SLC49A4: variants seen among roughly 807,000 people sequenced by gnomAD.
SLC49A4 encodes the protein solute carrier family 49 member 4.
SLC49A4 carries 36 observed loss-of-function variants against 50.6 expected under a neutral mutation model. That is an observed-to-expected ratio of 0.71 (90% CI 0.55 to 0.94). The LOEUF is 0.94. Among genes scored for constraint, SLC49A4 ranks in the 40% least tolerant of loss-of-function variants. SLC49A4 has a pLI of 0.00. For missense variants in SLC49A4, 503 were observed against 605.7 expected (o/e 0.83, Z 1.78); for synonymous variants, 248 against 241.2 (o/e 1.03, Z -0.26).
intron 5 of SLC49A4, among the ~76,000 whole-genome samples, chr3:122,848,674 T>A (rs917637064): frequency 6.6e-6 from 1 of 151,270 alleles, no homozygotes; most frequent in Non-Finnish European, 1.5e-5. Flanking sequence ...TATTTTATTT[T>A]TCTTATTTTT....
Position 122,814,927 on chromosome 3 carries a change from G to A in SLC49A4, c.437+7977G>A, listed in dbSNP as rs371038177. On this transcript the variant is annotated intron_variant, in intron 2 of 8. Transcript: ENST00000261038. ...GACACCCCTGGTCTAAACAATAGTG[G>A]GCTATTCAGGGGAAGTAGGCAGCTT... Among the ~76,000 whole-genome samples, 11 of 152,040 alleles carry A rather than the reference G, an allele frequency of 7.2e-5. No homozygotes were observed. The East Asian group carries it at 1.5e-3, about 21-fold the overall frequency.
intron 4 of SLC49A4, among the ~76,000 whole-genome samples, chr3:122,837,260 T>C (rs1936700924): frequency 6.6e-6 from 1 of 152,104 alleles, no homozygotes; most frequent in Non-Finnish European, 1.5e-5. Context: ...CCCAGTCAAT[T>C]CTAAGCCAAA....
At chr3:122,814,687 G>A (rs1936340685) in intron 2 of SLC49A4, among the ~76,000 whole-genome samples, 1 of 152,136 alleles carries the variant, frequency 6.6e-6, no homozygotes, top group Non-Finnish European at 1.5e-5. Context: ...CCAATCTGTG[G>A]CATGCATGCG....
chr3:122,878,819 C>A (rs1235907388), intron 8 of SLC49A4, among the ~76,000 whole-genome samples: 5 of 152,080 alleles, frequency 3.3e-5, no homozygotes, highest in Admixed American at 6.6e-5. Context: ...ATAGATATTT[C>A]TATCCAAAAC....
intron 1 of SLC49A4, 94 bp downstream of exon 1, chr3:122,795,629 C>G: frequency 6.7e-7 from 1 of 1,487,530 alleles, no homozygotes; most frequent in Non-Finnish European, 8.8e-7. Flanking sequence ...CCCTTGGCCC[C>G]GGCATAGGGG....
intron 2 of SLC49A4, among the ~76,000 whole-genome samples, chr3:122,820,155 A>G (rs1451619022): frequency 6.6e-6 from 1 of 152,220 alleles, no homozygotes; most frequent in Admixed American, 6.5e-5. Context: ...TTTAAGGAAC[A>G]TTGGATTTTC....
chr3:122,806,872 T>C lies in SLC49A4; in HGVS notation c.359T>C (p.Val120Ala). Residue 120 changes from valine (V) to alanine (A), a missense_variant, in exon 2 of 9, where the codon GTG (valine) becomes GCG (alanine). Coordinates refer to ENST00000261038, the MANE Select transcript of SLC49A4 (RefSeq NM_032839.3). ...LLDKRGLRIT[V>A]LLTSFLMVLG... is the part of the protein sequence containing the mutation. ...TTCATTTTAGGTCTCCGGATAACTG[T>C]GCTCCTGACATCCTTCCTTATGGTT... 6.2e-7 allele frequency: 1 copy of C among 1,607,010 alleles called. No homozygotes were observed. Among genetic ancestry groups the C allele is most frequent in the Non-Finnish European group, 8.5e-7 (1 of 1,173,798 alleles).
intron 5 of SLC49A4, 53 bp downstream of exon 5, chr3:122,845,924 T>A: frequency 7.6e-7 from 1 of 1,312,966 alleles, no homozygotes; most frequent in South Asian, 1.3e-5. Flanking sequence ...ATTTAATTTA[T>A]AAATACTGGT....
intron 1 of SLC49A4, among the ~76,000 whole-genome samples, chr3:122,798,229 G>A (rs1205779509): frequency 6.6e-6 from 1 of 152,036 alleles, no homozygotes; most frequent in East Asian, 1.9e-4. Context: ...CTGTGTTATA[G>A]TTTCTTTTTA....
At chr3:122,853,749 G>A (rs1936952602) in intron 5 of SLC49A4, among the ~76,000 whole-genome samples, 1 of 152,146 alleles carries the variant, frequency 6.6e-6, no homozygotes, top group Non-Finnish European at 1.5e-5. Context: ...GACAGAGTAA[G>A]GCCCCATGTC....
chr3:122,818,444 T>C (rs1430964787), intron 2 of SLC49A4, among the ~76,000 whole-genome samples: 1 of 152,202 alleles, frequency 6.6e-6, no homozygotes, highest in African/African-American at 2.4e-5. Flanking sequence ...TGATTTTTTT[T>C]CTTCTTTATG....
rs1214741992 is a variant in SLC49A4, at chr3:122,852,030, G to C, written c.943-4277G>C. On this transcript the variant is annotated intron_variant, in intron 5 of 8. Transcript: ENST00000261038. The stretch of plus-strand genomic sequence containing the variant: ...TTTTTTTGAGATGGAGTCTTGCCCT[G>C]TCACCCAGGCTAGAGTGCAGCGGCG... 5.5e-5 allele frequency among the ~76,000 whole-genome samples: 7 copies of C among 127,658 alleles called. No individual in the cohort carries two copies. In the South Asian group the frequency reaches 1.4e-3, roughly 26 times the overall value. 83.7% of individuals were successfully genotyped at this position (127,658 alleles called of 152,430 possible). A position where few individuals can be genotyped will look rare whatever the true frequency, so the allele number is the denominator to read the frequency against.
chr3:122,810,028 C>T (rs749975533), intron 2 of SLC49A4, among the ~76,000 whole-genome samples: 1 of 152,136 alleles, frequency 6.6e-6, no homozygotes, highest in East Asian at 1.9e-4. Context: ...AGTCTCCATC[C>T]GATGTTCCAG....
chr3:122,875,383 C>T (rs1937253108), intron 8 of SLC49A4, among the ~76,000 whole-genome samples: 1 of 152,022 alleles, frequency 6.6e-6, no homozygotes, highest in African/African-American at 2.4e-5. Flanking sequence ...CAGGGTCTTG[C>T]TCTGTCACCC....
At chr3:122,837,254 G>A (rs1397278387) in intron 4 of SLC49A4, among the ~76,000 whole-genome samples, 1 of 152,144 alleles carries the variant, frequency 6.6e-6, no homozygotes, top group Non-Finnish European at 1.5e-5. Flanking sequence ...GCAATGCCCA[G>A]TCAATTCTAA....
intron 5 of SLC49A4, 87 bp downstream of exon 5, chr3:122,845,958 A>G: frequency 1.1e-6 from 1 of 924,406 alleles, no homozygotes; most frequent in Non-Finnish European, 1.6e-6. Flanking sequence ...TTTTAGCTTC[A>G]AGGACTGGGT....
At chr3:122,854,901 C>G (rs1055448446) in intron 5 of SLC49A4, among the ~76,000 whole-genome samples, 2 of 152,120 alleles carry the variant, frequency 1.3e-5, no homozygotes, top group African/African-American at 2.4e-5. Context: ...ACCATCCTGG[C>G]TAACACGGTG....
chr3:122,795,264 G>A lies in SLC49A4; in HGVS notation c.72G>A (p.Gly24=), dbSNP rs1935998829. 9 of 1,396,122 alleles carry A rather than the reference G, an allele frequency of 6.4e-6. No homozygotes were observed. Among genetic ancestry groups the A allele is most frequent in the Admixed American group, 3.8e-5 (1 of 26,268 alleles). The allele number at this position is 1,396,122 out of a possible 1,614,324, so 86.5% of individuals were successfully genotyped here. A position where few individuals can be genotyped will look rare whatever the true frequency, so the allele number is the denominator to read the frequency against. Residue 24 remains glycine, a synonymous_variant, in exon 1 of 9, where the codon GGG becomes GGA. Transcript: ENST00000261038. ...GGCCCGGGCTCGGGCCTGGGCTGGGGGCCTCCTGGAGAAGCCGGGAGGCGG... is the reference window on the plus strand; with the variant it reads ...GGCCCGGGCTCGGGCCTGGGCTGGGAGCCTCCTGGAGAAGCCGGGAGGCGG... ...LLGPGLGPGL[G]ASWRSREAAA...
chr3:122,861,086 C>A (rs775440412), intron 7 of SLC49A4, among the ~76,000 whole-genome samples: 1 of 152,146 alleles, frequency 6.6e-6, no homozygotes. Context: ...CTGCCTTCTT[C>A]TTTCTTCCTC....
Sources: gnomAD v4.1 joint callset for allele counts (sites outside exome capture counted in the v4.1 genomes callset) on GRCh38, gnomAD v4.1.1 for gene constraint, MANE v1.5 for transcripts, NCBI Gene and HGNC (gene_info 2026-07-23, HGNC 2026-07-21) for gene names.